The following CLYBL variants were observed in gnomAD, a reference collection of about 807,000 sequenced individuals.
CLYBL encodes citramalyl-CoA lyase, mitochondrial.
CLYBL carries 31 observed loss-of-function variants against 38.9 expected under a neutral mutation model. The ratio of observed to expected loss-of-function variants is 0.80; its 90% CI spans 0.60 to 1.08. CLYBL has a LOEUF of 1.08. Among genes scored for constraint, CLYBL ranks in the 50% least tolerant of loss-of-function variants. The pLI, the probability that CLYBL is intolerant of heterozygous loss-of-function variation, is 0.00. For synonymous variants in CLYBL, 171 were observed against 158.6 expected (o/e 1.08, Z -0.59); for missense variants, 434 against 411.6 (o/e 1.05, Z -0.47).
chr13:99,812,067 G>A (rs544898439), intron 2 of CLYBL, among the ~76,000 whole-genome samples: 137 of 152,326 alleles, frequency 9.0e-4, no homozygotes, highest in Non-Finnish European at 1.5e-3. Flanking sequence ...ATATTGGGCA[G>A]CAAAGCCTGA....
chr13:99,762,148 G>A (rs575308830), intron 1 of CLYBL, among the ~76,000 whole-genome samples: 1 of 152,106 alleles, frequency 6.6e-6, no homozygotes, highest in South Asian at 2.1e-4. Flanking sequence ...TTCCTTTGCT[G>A]CGCAGAAGTT....
intron 1 of CLYBL, among the ~76,000 whole-genome samples, chr13:99,686,913 G>C (rs2047826446): frequency 6.6e-6 from 1 of 152,178 alleles, no homozygotes. Flanking sequence ...GAGGAAATAA[G>C]CCATTGTTCC....
In CLYBL at chr13:99,624,167, C is replaced by T. The variant is rs372643774; in HGVS notation, c.62+17410C>T. The stretch of plus-strand genomic sequence containing the variant: ...CCTCAGAGCACCCCGTTCTTCATTG[C>T]ACTTATGATTTGTCACCAGCCACGA... On this transcript the variant is annotated intron_variant, in intron 1 of 8. Coordinates refer to ENST00000339105, the MANE Select transcript of CLYBL (RefSeq NM_206808.5). 4.6e-5 allele frequency among the ~76,000 whole-genome samples: 7 copies of T among 152,254 alleles called. No homozygotes were observed. The South Asian group carries it at 1.5e-3, about 32-fold the overall frequency.
intron 1 of CLYBL, among the ~76,000 whole-genome samples, chr13:99,743,049 TC>T (rs1431855753): frequency 6.6e-6 from 1 of 151,782 alleles, no homozygotes; most frequent in African/African-American, 2.4e-5. Context: ...TTTTTCTTTT[TC>T]TTTTTTTTTT....
intron 1 of CLYBL, among the ~76,000 whole-genome samples, chr13:99,684,605 A>T (rs2047791131): frequency 6.6e-6 from 1 of 152,354 alleles, no homozygotes; most frequent in African/African-American, 2.4e-5. Context: ...CAGCCTTCTT[A>T]ACCCAGCCAG....
At chr13:99,902,979 T>C (rs1481036452) in intron 8 of CLYBL, among the ~76,000 whole-genome samples, 1 of 152,272 alleles carries the variant, frequency 6.6e-6, no homozygotes, top group African/African-American at 2.4e-5. Flanking sequence ...CTTTGACTTG[T>C]ATTTCTAATC....
chr13:99,692,277 G>GTTTTTTTTTTTTTTTTTTTTTT (rs113949110), intron 1 of CLYBL, among the ~76,000 whole-genome samples: 1 of 121,866 alleles, frequency 8.2e-6, no homozygotes, highest in African/African-American at 2.6e-5. Flanking sequence ...GTTCACATTT[G>GTTTTTTTTTTTTTTTTTTTTTT]TTTTTTTTGT....
chr13:99,782,891 T>A (rs951264210), intron 2 of CLYBL, among the ~76,000 whole-genome samples: 14 of 152,162 alleles, frequency 9.2e-5, no homozygotes, highest in African/African-American at 2.9e-4. Flanking sequence ...TCTATCCTCC[T>A]TCTCTCTTAA....
intron 3 of CLYBL, among the ~76,000 whole-genome samples, chr13:99,862,507 T>C (rs1367566189): frequency 6.6e-6 from 1 of 152,120 alleles, no homozygotes; most frequent in Non-Finnish European, 1.5e-5. Flanking sequence ...AAAAACCTTC[T>C]GAACAAAGGG....
At chr13:99,734,544 T>G (rs1185503182) in intron 1 of CLYBL, among the ~76,000 whole-genome samples, 1 of 152,178 alleles carries the variant, frequency 6.6e-6, no homozygotes, top group East Asian at 1.9e-4. Context: ...TCTTTCTACT[T>G]ACTGATATCT....
chr13:99,640,042 T>C (rs1424518217), intron 1 of CLYBL, among the ~76,000 whole-genome samples: 1 of 152,266 alleles, frequency 6.6e-6, no homozygotes, highest in Non-Finnish European at 1.5e-5. Flanking sequence ...TTCTATTCTC[T>C]ATGTAGTTTA....
chr13:99,783,294 C>T (rs969153260), intron 2 of CLYBL, among the ~76,000 whole-genome samples: 6 of 151,980 alleles, frequency 3.9e-5, no homozygotes, highest in Admixed American at 6.6e-5. Context: ...CCACTTGCCT[C>T]GGCCTCCCAA....
At chr13:99,881,753 T>C (rs2052217185) in intron 7 of CLYBL, among the ~76,000 whole-genome samples, 1 of 152,196 alleles carries the variant, frequency 6.6e-6, no homozygotes, top group South Asian at 2.1e-4. Flanking sequence ...TGTTTATCCA[T>C]AAAACAAAGG....
intron 1 of CLYBL, among the ~76,000 whole-genome samples, chr13:99,610,368 T>A (rs1224172437): frequency 6.6e-6 from 1 of 151,970 alleles, no homozygotes; most frequent in Admixed American, 6.5e-5. Context: ...GTCTTGTATA[T>A]TTTTTTGAAA....
chr13:99,642,139 CATCTT>C (rs1259351959), intron 1 of CLYBL, among the ~76,000 whole-genome samples: 1 of 152,150 alleles, frequency 6.6e-6, no homozygotes, highest in East Asian at 1.9e-4. Flanking sequence ...GAAGGATTCT[CATCTT>C]ATGACCCCAG....
intron 2 of CLYBL, among the ~76,000 whole-genome samples, chr13:99,819,441 T>A (rs1259688001): frequency 1.2e-5 from 1 of 83,308 alleles, no homozygotes; most frequent in East Asian, 4.9e-4. Context: ...TATATATATA[T>A]ATATATATAT....
At chr13:99,707,952 G>C (rs910760126) in intron 1 of CLYBL, among the ~76,000 whole-genome samples, 3 of 152,246 alleles carry the variant, frequency 2.0e-5, no homozygotes, top group Admixed American at 2.0e-4. Context: ...CCTGGACTTA[G>C]GGACTCTACA....
intron 1 of CLYBL, among the ~76,000 whole-genome samples, chr13:99,640,650 C>T (rs1237382894): frequency 2.0e-5 from 3 of 152,284 alleles, no homozygotes; most frequent in East Asian, 1.9e-4. Flanking sequence ...GTATTACAGA[C>T]GCAACATGGT....
chr13:99,721,032 C>G (rs2048384295), intron 1 of CLYBL, among the ~76,000 whole-genome samples: 1 of 150,082 alleles, frequency 6.7e-6, no homozygotes, highest in Admixed American at 6.6e-5. Context: ...TCTGTAGTTC[C>G]CTAATTCTTT....
Sources: gnomAD v4.1 joint callset for allele counts (sites outside exome capture counted in the v4.1 genomes callset) on GRCh38, gnomAD v4.1.1 for gene constraint, MANE v1.5 for transcripts, NCBI Gene and HGNC (gene_info 2026-07-23, HGNC 2026-07-21) for gene names.